The following ADGRA3 variants were observed in gnomAD, a reference collection of about 807,000 sequenced individuals.
ADGRA3 encodes the protein G-protein coupled receptor 125.
Under a neutral mutation model 119.8 loss-of-function variants are expected in ADGRA3, and 56 were observed. The ratio of observed to expected loss-of-function variants is 0.47; its 90% CI spans 0.38 to 0.58. The LOEUF is 0.58. ADGRA3 is among the 20% of genes least tolerant of loss of function. ADGRA3 has a pLI of 0.00. For missense variants in ADGRA3, 1,516 were observed against 1,649.0 expected (o/e 0.92, Z 1.40); for synonymous variants, 607 against 623.8 (o/e 0.97, Z 0.40).
At chr4:22,470,912 C>T (rs1717837672) in intron 2 of ADGRA3, among the ~76,000 whole-genome samples, 1 of 152,146 alleles carries the variant, frequency 6.6e-6, no homozygotes, top group South Asian at 2.1e-4. Flanking sequence ...CTCAGGGCGG[C>T]CCCACCTGAC....
intron 4 of ADGRA3, among the ~76,000 whole-genome samples, chr4:22,448,027 C>T (rs771106506): frequency 7.2e-5 from 11 of 152,246 alleles, no homozygotes; most frequent in East Asian, 3.9e-4. Context: ...TATAATTCCA[C>T]GTTGCTCTTG....
chr4:22,435,540 C>A, intron 9 of ADGRA3, 74 bp from the exon 10 acceptor site: 1 of 1,308,618 alleles, frequency 7.6e-7, no homozygotes, highest in Admixed American at 2.1e-5. Context: ...GACATTTTAA[C>A]TTTGCATTTC....
At chr4:22,424,007 A>C (rs184328498) in intron 11 of ADGRA3, among the ~76,000 whole-genome samples, 184 bp downstream of exon 11, 1 of 152,358 alleles carries the variant, frequency 6.6e-6, no homozygotes, top group Non-Finnish European at 1.5e-5. Flanking sequence ...TAAAATGTTA[A>C]GAAGAAATTC....
intron 2 of ADGRA3, among the ~76,000 whole-genome samples, chr4:22,462,374 C>T (rs943803319): frequency 5.9e-5 from 9 of 152,128 alleles, no homozygotes; most frequent in African/African-American, 1.7e-4. Context: ...AGTGCAGTGG[C>T]GTGATCCTGA....
At chr4:22,408,349 A>G (rs1162797688) in intron 14 of ADGRA3, among the ~76,000 whole-genome samples, 2 of 2,860 alleles carry the variant, frequency 7.0e-4, no homozygotes, top group Non-Finnish European at 1.7e-3. Context: ...AATATTGAGG[A>G]AAAAAAAAGG....
At chr4:22,477,390 C>T (rs948472754) in intron 1 of ADGRA3, among the ~76,000 whole-genome samples, 4 of 152,134 alleles carry the variant, frequency 2.6e-5, no homozygotes, top group Admixed American at 1.3e-4. Context: ...GAGTGATTAT[C>T]GAGATCCTTT....
intron 1 of ADGRA3, among the ~76,000 whole-genome samples, chr4:22,504,846 G>A (rs1026413963): frequency 2.0e-5 from 3 of 151,970 alleles, no homozygotes; most frequent in Non-Finnish European, 2.9e-5. Flanking sequence ...ACCACCCAAC[G>A]AGGCTCCGAA....
chr4:22,509,158 T>A (rs1416651022), intron 1 of ADGRA3, among the ~76,000 whole-genome samples: 1 of 152,192 alleles, frequency 6.6e-6, no homozygotes, highest in Non-Finnish European at 1.5e-5. Flanking sequence ...GCTGGCGGGC[T>A]GGACAGGAGA....
At position 22,445,073 on chromosome 4, in the gene ADGRA3, T is replaced by G; in HGVS notation, c.606A>C (p.Val202=). The change falls in exon 6 of 19, where the codon GTA becomes GTC. Residue 202 remains valine, a synonymous_variant. Coordinates refer to ENST00000334304, the MANE Select transcript of ADGRA3 (RefSeq NM_145290.4). The part of the protein sequence containing the change: ...DCNILWMHRW[V]KEKNITVRDT... ...CCCGTACCGTGATGTTCTTCTCCTT[T>G]ACCCAGCGATGCATCCACAGTATGT... The G allele has an allele frequency of 1.9e-6, 3 of 1,614,008 alleles. No individual in the cohort carries two copies. The highest frequency in any genetic ancestry group is 2.5e-6 in the Non-Finnish European group (3 of 1,179,896).
At chr4:22,413,575 C>T in intron 13 of ADGRA3, 26 bp downstream of exon 13, 3 of 1,592,264 alleles carry the variant, frequency 1.9e-6, no homozygotes, top group Non-Finnish European at 2.6e-6. Context: ...CCACTGACTA[C>T]AGGATAACAT....
rs764216284 is a variant in ADGRA3, at chr4:22,413,566, C to T, written c.2023+35G>A. On this transcript the variant is annotated intron_variant, in intron 13 of 18. Transcript: ENST00000334304. ...CAGTCAACTACAAGGCCTTATTGTC[C>T]ACTGACTACAGGATAACATATGCCA... 5.1e-6 allele frequency: 8 copies of T among 1,568,612 alleles called. No individual in the cohort carries two copies. The East Asian group carries it at 1.6e-4, about 31-fold the overall frequency.
chr4:22,415,218 T>G (rs6846776), intron 12 of ADGRA3, among the ~76,000 whole-genome samples: 2,398 of 152,284 alleles, frequency 0.016, 67 homozygotes, highest in African/African-American at 0.055. Flanking sequence ...ATCCACTGTT[T>G]GTGAAATGAA....
At chr4:22,391,878 C>T (rs1363793707) in intron 17 of ADGRA3, among the ~76,000 whole-genome samples, 1 of 152,066 alleles carries the variant, frequency 6.6e-6, no homozygotes, top group Non-Finnish European at 1.5e-5. Flanking sequence ...AACAACCCCC[C>T]GCCCCCAAAA....
Position 22,390,339 on chromosome 4 carries a change from AAATACATATTATATATATAT to A in ADGRA3, c.2628-1176_2628-1157del, listed in dbSNP as rs1560292148. Among the ~76,000 whole-genome samples, 19 of 90,130 alleles carry A rather than the reference AAATACATATTATATATATAT, an allele frequency of 2.1e-4. 1 individual carries two copies. The highest frequency in any genetic ancestry group is 3.3e-4 in the Admixed American group (3 of 9,160). 59.1% of individuals were successfully genotyped at this position (90,130 alleles called of 152,430 possible). ...TACTGCTTATATATATATATATATAAAATACATATTATATATATATAATACGTATTATATATATATAATAC... is the reference window on the plus strand; with the variant it reads ...TACTGCTTATATATATATATATATAAAATACGTATTATATATATATAATAC... On this transcript the variant is annotated intron_variant, in intron 17 of 18. Coordinates refer to ENST00000334304, the MANE Select transcript of ADGRA3 (RefSeq NM_145290.4).
intron 16 of ADGRA3, 141 bp downstream of exon 16, chr4:22,401,290 T>C (rs983686305): frequency 2.9e-6 from 2 of 681,630 alleles, no homozygotes; most frequent in East Asian, 3.0e-5. Context: ...AACTGGCAGA[T>C]TGTTTAAGTG....
At chr4:22,490,035 C>G (rs1458363532) in intron 1 of ADGRA3, among the ~76,000 whole-genome samples, 1 of 152,158 alleles carries the variant, frequency 6.6e-6, no homozygotes, top group Non-Finnish European at 1.5e-5. Flanking sequence ...GCATTCTTAT[C>G]AAAGATCTGA....
At chr4:22,438,081 AC>A (rs1229453984) in intron 8 of ADGRA3, among the ~76,000 whole-genome samples, 174 bp downstream of exon 8, 1 of 152,136 alleles carries the variant, frequency 6.6e-6, no homozygotes, top group African/African-American at 2.4e-5. Flanking sequence ...AAGTTCAAGC[AC>A]CCCTTTTGTT....
At chr4:22,464,237 A>T (rs998095299) in intron 2 of ADGRA3, among the ~76,000 whole-genome samples, 3 of 152,198 alleles carry the variant, frequency 2.0e-5, no homozygotes, top group Non-Finnish European at 2.9e-5. Flanking sequence ...AAAACTTCAT[A>T]TTCCACAAGA....
intron 1 of ADGRA3, among the ~76,000 whole-genome samples, chr4:22,511,999 C>T (rs1174246826): frequency 2.0e-5 from 3 of 148,876 alleles, no homozygotes; most frequent in African/African-American, 5.0e-5. Context: ...CGGGTTCAAG[C>T]GATTCTCCTG....
Sources: gnomAD v4.1 joint callset for allele counts (sites outside exome capture counted in the v4.1 genomes callset) on GRCh38, gnomAD v4.1.1 for gene constraint, MANE v1.5 for transcripts, NCBI Gene and HGNC (gene_info 2026-07-23, HGNC 2026-07-21) for gene names.